TES: variants seen among roughly 807,000 people sequenced by gnomAD.
TES encodes the protein testin.
A neutral mutation model predicts 48.2 loss-of-function variants in TES; 41 were observed. That is an observed-to-expected ratio of 0.85 (90% confidence interval 0.66 to 1.10). The LOEUF (loss-of-function observed/expected upper bound fraction) is 1.10. Among genes scored for constraint, TES ranks in the 50% least tolerant of loss-of-function variants. The pLI is 0.00. For synonymous variants in TES, 162 were observed against 174.9 expected (o/e 0.93, Z 0.58); for missense variants, 463 against 515.1 (o/e 0.90, Z 0.98).
chr7:116,231,048 CT>C lies in TES; in HGVS notation c.28-3483del, dbSNP rs1169855029. ...TTGGGGCAGAAATTAGCTAGTGACT[CT>C]TTGGAAGACAAGAGCTCCCATTTGA... On this transcript the variant is annotated intron_variant, in intron 1 of 6. Coordinates refer to ENST00000358204, the MANE Select transcript of TES (RefSeq NM_015641.4). Among the ~76,000 whole-genome samples, 3 of 152,176 alleles carry C rather than the reference CT, an allele frequency of 2.0e-5. No homozygotes were observed. The East Asian group carries it at 5.8e-4, about 29-fold the overall frequency.
At chr7:116,227,402 A>G (rs1425245749) in intron 1 of TES, among the ~76,000 whole-genome samples, 1 of 151,996 alleles carries the variant, frequency 6.6e-6, no homozygotes, top group African/African-American at 2.4e-5. Context: ...GATTACAGGC[A>G]TGAGCCACCG....
intron 1 of TES, among the ~76,000 whole-genome samples, chr7:116,227,327 T>G: frequency 6.6e-6 from 1 of 151,692 alleles, no homozygotes; most frequent in East Asian, 1.9e-4. Flanking sequence ...TTTCACCATC[T>G]TGGCCAGGCT....
At chr7:116,242,656 G>A (rs1799865711) in intron 2 of TES, among the ~76,000 whole-genome samples, 1 of 151,928 alleles carries the variant, frequency 6.6e-6, no homozygotes, top group African/African-American at 2.4e-5. Flanking sequence ...TGTATTATTT[G>A]GCAATGAGAT....
chr7:116,257,351 A>G lies in TES; in HGVS notation c.1135A>G (p.Asn379Asp). The G allele has an allele frequency of 6.2e-7, 1 of 1,613,980 alleles. No individual in the cohort carries two copies. Among genetic ancestry groups the G allele is most frequent in the Non-Finnish European group, 8.5e-7 (1 of 1,179,972 alleles). Residue 379 changes from asparagine (N) to aspartate (D), a missense_variant, in exon 7 of 7, where the codon AAT (asparagine) becomes GAT (aspartate). By Grantham distance (23) the Asn-to-Asp change is conservative. Coordinates refer to ENST00000358204, the MANE Select transcript of TES (RefSeq NM_015641.4). Reference protein sequence around the residue: ...DPEVQRVTYNNFSWHASTECF... With the variant: ...DPEVQRVTYNDFSWHASTECF... ...AGAAGTGCAGCGGGTGACCTATAAC[A>G]ATTTCAGCTGGCATGCATCCACAGA...
chr7:116,249,140 A>G lies in TES; in HGVS notation c.234A>G (p.Lys78=), dbSNP rs746721961. The part of the protein sequence containing the change: ...EDTKYTTLIA[K]LKSDGIPMYK... ...CCAAGTATACCACTCTGATTGCAAAACTAAAGTCAGATGGAATTCCCATGT... is the reference window on the plus strand; with the variant it reads ...CCAAGTATACCACTCTGATTGCAAAGCTAAAGTCAGATGGAATTCCCATGT... The change falls in exon 3 of 7, where the codon AAA becomes AAG. Residue 78 remains lysine, a synonymous_variant. Coordinates refer to ENST00000358204, the MANE Select transcript of TES (RefSeq NM_015641.4). 1 of 1,614,110 alleles carries G rather than the reference A, an allele frequency of 6.2e-7. No individual in the cohort carries two copies. The highest frequency in any genetic ancestry group is 1.1e-5 in the South Asian group (1 of 91,078).
At chr7:116,247,124 G>A (rs1799937589) in intron 2 of TES, among the ~76,000 whole-genome samples, 1 of 151,920 alleles carries the variant, frequency 6.6e-6, no homozygotes, top group Non-Finnish European at 1.5e-5. Flanking sequence ...CACATGGTAG[G>A]TGGCAATAAG....
At chr7:116,213,303 A>G (rs1799459977) in intron 1 of TES, among the ~76,000 whole-genome samples, 1 of 152,206 alleles carries the variant, frequency 6.6e-6, no homozygotes, top group African/African-American at 2.4e-5. Flanking sequence ...GTACCTTGAG[A>G]AAAGGAAGAT....
At chr7:116,246,313 C>G (rs1799922731) in intron 2 of TES, among the ~76,000 whole-genome samples, 1 of 152,202 alleles carries the variant, frequency 6.6e-6, no homozygotes, top group South Asian at 2.1e-4. Context: ...AGAACCATGC[C>G]ATTGCAAACT....
intron 6 of TES, among the ~76,000 whole-genome samples, chr7:116,253,083 A>G (rs530839682): frequency 8.5e-5 from 13 of 152,316 alleles, no homozygotes; most frequent in Non-Finnish European, 1.8e-4. Context: ...TAATGTAGAT[A>G]AAGGGTAAAA....
At position 116,257,435 on chromosome 7, in the gene TES, G is replaced by T. The variant is rs1445136219; in HGVS notation, c.1219G>T (p.Glu407Ter). The change falls in exon 7 of 7, where the codon GAA becomes TAA. Residue 407 changes from glutamate (E) to a stop codon, truncating the protein, a stop_gained. Coordinates refer to ENST00000358204, the MANE Select transcript of TES (RefSeq NM_015641.4). LOFTEE classifies it high-confidence loss of function. ...CATTGGGCAGAAGTTCATGCCAGTA[G>T]AAGGGATGGTTTTCTGTTCAGTGGA... ...CLIGQKFMPVEGMVFCSVECK... is the reference protein window; with the variant it reads ...CLIGQKFMPV The T allele has an allele frequency of 3.1e-6, 5 of 1,613,980 alleles. No homozygotes were observed. Among genetic ancestry groups the T allele is most frequent in the Non-Finnish European group, 4.2e-6 (5 of 1,179,948 alleles).
chr7:116,257,666 T>A lies in TES; in HGVS notation c.*184T>A. On this transcript the variant is annotated 3_prime_UTR_variant, in exon 7 of 7. Transcript: ENST00000358204. ...TTTTTTCGGTCTCAACTTTTAAACT[T>A]GGTTTAAGCATTTGATTTGTAAAAC... 2.0e-6 allele frequency: 1 copy of A among 501,066 alleles called. No individual in the cohort carries two copies. Among genetic ancestry groups the A allele is most frequent in the Non-Finnish European group, 3.4e-6 (1 of 291,102 alleles). 31.0% of individuals were successfully genotyped at this position (501,066 alleles called of 1,614,324 possible). A position where few individuals can be genotyped will look rare whatever the true frequency, so the allele number is the denominator to read the frequency against.
In TES at chr7:116,210,729, A is replaced by G; in HGVS notation, c.22A>G (p.Lys8Glu). The G allele has an allele frequency of 8.0e-7, 1 of 1,253,352 alleles. No homozygotes were observed. The highest frequency in any genetic ancestry group is 1.0e-6 in the Non-Finnish European group (1 of 988,942). 77.6% of individuals were successfully genotyped at this position (1,253,352 alleles called of 1,614,324 possible). A position where few individuals can be genotyped will look rare whatever the true frequency, so the allele number is the denominator to read the frequency against. Reference sequence around the variant, plus strand: ...TAACATGGACCTGGAAAACAAAGTGAAGAAGGTAGGGGGGCGCTCGTGGCG... The same window carrying G: ...TAACATGGACCTGGAAAACAAAGTGGAGAAGGTAGGGGGGCGCTCGTGGCG... MDLENKV[K>E]KMGLGHEQGF... Residue 8 changes from lysine (K) to glutamate (E), a missense_variant, in exon 1 of 7, where the codon AAG (lysine) becomes GAG (glutamate). Lys to Glu is a moderately conservative substitution (Grantham distance 56, BLOSUM62 1). Transcript: ENST00000358204.
chr7:116,249,298 C>G (rs990776970), intron 3 of TES, 26 bp downstream of exon 3: 1 of 1,613,178 alleles, frequency 6.2e-7, no homozygotes, highest in Admixed American at 1.7e-5. Context: ...CAGAGAGTTT[C>G]TTTATTGAAG....
At chr7:116,243,029 A>G (rs1182851475) in intron 2 of TES, among the ~76,000 whole-genome samples, 1 of 151,916 alleles carries the variant, frequency 6.6e-6, no homozygotes, top group East Asian at 1.9e-4. Flanking sequence ...AATAGTTTCT[A>G]TTTCCTTTTA....
chr7:116,234,792 G>GT (rs1799745937), intron 2 of TES, among the ~76,000 whole-genome samples, 173 bp downstream of exon 2: 3 of 152,188 alleles, frequency 2.0e-5, no homozygotes, highest in Non-Finnish European at 4.4e-5. Context: ...CTGTCATTAA[G>GT]TTTGACTTAG....
intron 2 of TES, among the ~76,000 whole-genome samples, chr7:116,239,584 A>C (rs1211246846): frequency 6.6e-6 from 1 of 152,240 alleles, no homozygotes; most frequent in Non-Finnish European, 1.5e-5. Context: ...AGATATTAGA[A>C]TGCACATTTT....
chr7:116,215,170 A>G (rs1799480305), intron 1 of TES, among the ~76,000 whole-genome samples: 1 of 152,318 alleles, frequency 6.6e-6, no homozygotes, highest in East Asian at 1.9e-4. Flanking sequence ...CTTACTATAG[A>G]GAACTTTACT....
intron 3 of TES, chr7:116,249,946 A>G: frequency 2.6e-6 from 1 of 385,264 alleles, no homozygotes; most frequent in South Asian, 1.4e-4. Flanking sequence ...GAAAAAATAT[A>G]TAATTTCATG....
Position 116,216,006 on chromosome 7 carries a change from A to G in TES, c.27+5272A>G, listed in dbSNP as rs1799489630. 1.3e-5 allele frequency among the ~76,000 whole-genome samples: 2 copies of G among 152,166 alleles called. 1 individual carries two copies. The highest frequency in any genetic ancestry group is 4.8e-5 in the African/African-American group (2 of 41,424). On this transcript the variant is annotated intron_variant, in intron 1 of 6. Coordinates refer to ENST00000358204, the MANE Select transcript of TES (RefSeq NM_015641.4). ...AGAAGCTGTGGGAAACACCAAAATG[A>G]TCAGATATTTCATGAGGCTCTCATG...
Sources: gnomAD v4.1 joint callset for allele counts (sites outside exome capture counted in the v4.1 genomes callset) on GRCh38, gnomAD v4.1.1 for gene constraint, MANE v1.5 for transcripts, NCBI Gene and HGNC (gene_info 2026-07-23, HGNC 2026-07-21) for gene names.